Variants in SMIM45 observed in about 807,000 individuals in gnomAD.
The protein encoded by SMIM45 is long intergenic non-protein coding RNA 634.
At chr22:41,947,626 A>G in the SMIM45 span, among the ~76,000 whole-genome samples, 120 of 148,644 alleles carry the variant, frequency 8.1e-4, 1 homozygote, top group Non-Finnish European at 6.2e-4. Context: ...CGGCCTCCCA[A>G]AGTGAGTGCT....
the SMIM45 span, chr22:41,957,819 C>A: frequency 6.5e-6 from 1 of 154,772 alleles, no homozygotes; most frequent in Non-Finnish European, 1.4e-5. Flanking sequence ...ATGCAGCGCC[C>A]CCTGGTGGAC....
chr22:41,948,844 C>T, the SMIM45 span, among the ~76,000 whole-genome samples: 4 of 152,150 alleles, frequency 2.6e-5, no homozygotes, highest in African/African-American at 9.7e-5. Flanking sequence ...GGGCGGATCA[C>T]CTGACATCAG....
the SMIM45 span, among the ~76,000 whole-genome samples, chr22:41,953,815 G>A: frequency 2.7e-4 from 37 of 135,698 alleles, no homozygotes; most frequent in African/African-American, 7.4e-4. Flanking sequence ...CAGTGGCGCC[G>A]TCTCGGCTCA....
chr22:41,958,483 G>GGAGAGA, the SMIM45 span: 41,514 of 353,352 alleles, frequency 0.12, 1,845 homozygotes, highest in African/African-American at 0.23. Context: ...GGGTTGGTGA[G>GGAGAGA]GAGAGAGAGA....
the SMIM45 span, among the ~76,000 whole-genome samples, chr22:41,955,616 C>A: frequency 4.0e-5 from 6 of 151,840 alleles, no homozygotes; most frequent in African/African-American, 1.2e-4. Context: ...ACCATCCTGG[C>A]TAACACGGTG....
chr22:41,950,110 T>A, the SMIM45 span, among the ~76,000 whole-genome samples: 1 of 148,764 alleles, frequency 6.7e-6, no homozygotes, highest in African/African-American at 2.5e-5. Flanking sequence ...AACCTCCACT[T>A]TATCTCTGTT....
At chr22:41,956,130 C>T in the SMIM45 span, among the ~76,000 whole-genome samples, 4 of 152,022 alleles carry the variant, frequency 2.6e-5, no homozygotes, top group African/African-American at 9.7e-5. Flanking sequence ...CCACCTCAGC[C>T]TCCCGGGTAA....
At chr22:41,957,912 AGGCGGGCGGCACCG>A in the SMIM45 span, 1 of 167,718 alleles carries the variant, frequency 6.0e-6, no homozygotes, top group Non-Finnish European at 1.3e-5. Context: ...CAAAGGGGAT[AGGCGGGCGGCACCG>A]GGCGCCCTCC....
the SMIM45 span, among the ~76,000 whole-genome samples, chr22:41,954,744 A>C: frequency 6.6e-6 from 1 of 152,078 alleles, no homozygotes; most frequent in African/African-American, 2.4e-5. Context: ...ACGGTGGCTC[A>C]TGCCTGTAAT....
chr22:41,955,629 AC>A, the SMIM45 span, among the ~76,000 whole-genome samples: 1,590 of 149,044 alleles, frequency 0.011, 27 homozygotes, highest in African/African-American at 0.037. Context: ...ACACGGTGAA[AC>A]CCCGTCTCTA....
At chr22:41,951,171 G>A in the SMIM45 span, among the ~76,000 whole-genome samples, 1 of 152,242 alleles carries the variant, frequency 6.6e-6, no homozygotes, top group Non-Finnish European at 1.5e-5. Context: ...TTCTGGGAAC[G>A]GATTCCCTAG....
At chr22:41,954,943 G>A in the SMIM45 span, among the ~76,000 whole-genome samples, 14 of 152,120 alleles carry the variant, frequency 9.2e-5, no homozygotes, top group African/African-American at 3.4e-4. Flanking sequence ...GGTGGAGCTT[G>A]CGGTGAGCCG....
At chr22:41,947,370 T>TC in the SMIM45 span, among the ~76,000 whole-genome samples, 1 of 148,356 alleles carries the variant, frequency 6.7e-6, no homozygotes, top group Non-Finnish European at 1.5e-5. Flanking sequence ...CACAGTACTT[T>TC]TTTTTTTTTT....
At chr22:41,958,154 A>G in the SMIM45 span, 12 of 359,350 alleles carry the variant, frequency 3.3e-5, no homozygotes, top group Non-Finnish European at 6.8e-5. Context: ...GCTCAGGGGC[A>G]TCCTCCGCTG....
chr22:41,953,210 C>T, the SMIM45 span, among the ~76,000 whole-genome samples: 2 of 152,174 alleles, frequency 1.3e-5, no homozygotes, highest in African/African-American at 2.4e-5. Flanking sequence ...GACCAGGAAA[C>T]AGCATCTTTC....
the SMIM45 span, among the ~76,000 whole-genome samples, chr22:41,955,164 C>T: frequency 6.7e-6 from 1 of 149,596 alleles, no homozygotes; most frequent in Non-Finnish European, 1.5e-5. Context: ...CAGAATGGTG[C>T]AAAATGCTTT....
chr22:41,957,181 CTTTT>C, the SMIM45 span, among the ~76,000 whole-genome samples: 3 of 59,292 alleles, frequency 5.1e-5, no homozygotes, highest in Non-Finnish European at 6.4e-5. Flanking sequence ...ACCACGTGGT[CTTTT>C]TTTTTTTTTT....
the SMIM45 span, among the ~76,000 whole-genome samples, chr22:41,948,271 A>C: frequency 1.3e-5 from 2 of 152,170 alleles, no homozygotes; most frequent in Admixed American, 1.3e-4. Flanking sequence ...GATGGATTAC[A>C]TTCATCCATT....
At chr22:41,946,996 G>A in the SMIM45 span, 25 of 1,611,692 alleles carry the variant, frequency 1.6e-5, no homozygotes, top group Non-Finnish European at 2.0e-5. Flanking sequence ...AACCGGCGGG[G>A]GAAGCAGGGC....
Sources: allele counts gnomAD v4.1 joint callset (sites outside exome capture counted in the v4.1 genomes callset), GRCh38; gene constraint gnomAD v4.1.1; transcripts MANE v1.5; gene names NCBI Gene and HGNC (gene_info 2026-07-23, HGNC 2026-07-21).